UNC13B: variants seen among roughly 807,000 people sequenced by gnomAD.
UNC13B encodes unc-13 homolog B, also known as protein unc-13 homolog B.
In UNC13B, 144 loss-of-function variants were observed where a neutral mutation model predicts 211.0. The observed-to-expected ratio is 0.68, with a 90% confidence interval of 0.60 to 0.78. The LOEUF (loss-of-function observed/expected upper bound fraction) is 0.78, where lower values mean the gene tolerates loss of function less well. UNC13B is among the 30% of genes least tolerant of loss of function. UNC13B has a pLI of 0.00. For synonymous variants in UNC13B, 709 were observed against 725.8 expected, an observed-to-expected ratio of 0.98 and a Z score of 0.37; for missense variants, 1,777 against 2,002.0, an observed-to-expected ratio of 0.89 and a Z score of 2.14.
At position 35,385,706 on chromosome 9, in the gene UNC13B, T is replaced by C; in HGVS notation, c.10876-18T>C. On this transcript the variant is annotated intron_variant, in intron 22 of 39. Coordinates refer to ENST00000635942, the MANE Select transcript of UNC13B (RefSeq NM_001371189.2). ...ATAGTCCTCTGTTCCTTTCTTACAT[T>C]TGCTTGATTTGCAACAGAATAATTT... 6.3e-7 allele frequency: 1 copy of C among 1,588,958 alleles called. No individual in the cohort carries two copies. The highest frequency in any genetic ancestry group is 8.6e-7 in the Non-Finnish European group (1 of 1,161,448).
In UNC13B at chr9:35,301,811, A is replaced by G. The variant is rs1829700178; in HGVS notation, c.2407A>G (p.Asn803Asp). 5.0e-6 allele frequency: 2 copies of G among 398,764 alleles called. No homozygotes were observed. The highest frequency in any genetic ancestry group is 8.9e-6 in the Non-Finnish European group (2 of 225,908). The allele number at this position is 398,764 out of a possible 1,614,324, so 24.7% of individuals were successfully genotyped here. A position where few individuals can be genotyped will look rare whatever the true frequency, so the allele number is the denominator to read the frequency against. The stretch of plus-strand genomic sequence containing the variant: ...ATTAGAGGAGGACAAAGTTACAGGT[A>G]ATGATGATTTCCTTGAGCCACTCAG... ...KPLEEDKVTGNDDFLEPLRKS... is the reference protein window; with the variant it reads ...KPLEEDKVTGDDDFLEPLRKS... Residue 803 changes from asparagine (N) to aspartate (D), a missense_variant, in exon 9 of 40, where the codon AAT becomes GAT. Physicochemically the swap from Asn to Asp is conservative, Grantham distance 23. Transcript: ENST00000635942.
At chr9:35,353,981 G>A (rs942723924) in intron 11 of UNC13B, among the ~76,000 whole-genome samples, 21 of 152,120 alleles carry the variant, frequency 1.4e-4, no homozygotes, top group African/African-American at 5.1e-4. Context: ...TGTGGGAATT[G>A]GAGTGAAAGA....
intron 10 of UNC13B, among the ~76,000 whole-genome samples, chr9:35,313,673 TAAAA>T (rs1830305354): frequency 6.9e-6 from 1 of 144,822 alleles, no homozygotes; most frequent in Non-Finnish European, 1.5e-5. Flanking sequence ...AATAAATAAA[TAAAA>T]GAGGGAACAG....
Position 35,380,578 on chromosome 9 carries a change from T to G in UNC13B, c.10314T>G (p.Leu3438=), listed in dbSNP as rs1834757147. 1 of 1,614,092 alleles carries G rather than the reference T, an allele frequency of 6.2e-7. No individual in the cohort carries two copies. Among genetic ancestry groups the G allele is most frequent in the Non-Finnish European group, 8.5e-7 (1 of 1,180,032 alleles). The part of the protein sequence containing the change: ...QRLKRESDDF[L]GQTIIEVRTL... ...TAAAGCGAGAGTCTGATGATTTCCT[T>G]GGCCAAACCATCATTGAGGTTCGGA... The change falls in exon 18 of 40, where the codon CTT becomes CTG. Residue 3438 remains leucine, a synonymous_variant. Coordinates refer to ENST00000635942, the MANE Select transcript of UNC13B (RefSeq NM_001371189.2).
chr9:35,244,272 A>G (rs79540635), intron 6 of UNC13B, among the ~76,000 whole-genome samples: 1 of 152,180 alleles, frequency 6.6e-6, no homozygotes, highest in African/African-American at 2.4e-5. Context: ...TCTTGACAGT[A>G]TCACATGTTA....
At chr9:35,312,973 A>G (rs1284759071) in intron 10 of UNC13B, among the ~76,000 whole-genome samples, 1 of 152,208 alleles carries the variant, frequency 6.6e-6, no homozygotes, top group Admixed American at 6.5e-5. Context: ...TAAGCCTTCT[A>G]AAATACTTAG....
At chr9:35,372,014 G>A (rs1189547615) in intron 13 of UNC13B, 2 of 153,010 alleles carry the variant, frequency 1.3e-5, no homozygotes, top group Non-Finnish European at 2.9e-5. Context: ...GCTCATGCCT[G>A]TAATCCCAGC....
chr9:35,351,303 A>G, intron 11 of UNC13B: 1 of 1,208,170 alleles, frequency 8.3e-7, no homozygotes, highest in Non-Finnish European at 1.0e-6. Context: ...GCTACAGGAT[A>G]AATCAAGCCA....
chr9:35,202,793 CTTT>C (rs922684961), intron 1 of UNC13B, among the ~76,000 whole-genome samples: 1 of 131,530 alleles, frequency 7.6e-6, no homozygotes. Context: ...TGGGTCTTGA[CTTT>C]TTTTTTTTTT....
At chr9:35,325,021 C>T (rs1032366075) in intron 11 of UNC13B, among the ~76,000 whole-genome samples, 1 of 152,112 alleles carries the variant, frequency 6.6e-6, no homozygotes, top group Non-Finnish European at 1.5e-5. Flanking sequence ...CCAAATCAAC[C>T]CTGAACCCAC....
chr9:35,219,985 C>T (rs185219640), intron 1 of UNC13B, among the ~76,000 whole-genome samples: 88 of 151,972 alleles, frequency 5.8e-4, no homozygotes, highest in Admixed American at 1.0e-3. Flanking sequence ...ATGTTTAATC[C>T]ATTTATAATT....
intron 11 of UNC13B, among the ~76,000 whole-genome samples, chr9:35,358,946 C>T (rs1322134469): frequency 2.0e-5 from 3 of 151,948 alleles, no homozygotes; most frequent in Non-Finnish European, 4.4e-5. Flanking sequence ...GTGATCTTCC[C>T]ACCTTGGCTT....
At chr9:35,395,313 CT>C (rs1835801366) in intron 26 of UNC13B, among the ~76,000 whole-genome samples, 1 of 152,334 alleles carries the variant, frequency 6.6e-6, no homozygotes, top group East Asian at 1.9e-4. Context: ...ATAGAAGAGA[CT>C]GCAAATGCAA....
intron 6 of UNC13B, among the ~76,000 whole-genome samples, chr9:35,252,422 A>G (rs770700427): frequency 4.6e-5 from 7 of 151,948 alleles, no homozygotes; most frequent in South Asian, 2.1e-4. Flanking sequence ...TGAGTTCCTC[A>G]GCCTCCTGAG....
intron 22 of UNC13B, 63 bp from the exon 23 acceptor site, chr9:35,385,661 T>C: frequency 5.9e-6 from 9 of 1,521,926 alleles, no homozygotes; most frequent in South Asian, 5.2e-5. Context: ...ATATCATCAC[T>C]TTTGGCAGGG....
chr9:35,310,830 C>T (rs780165145), intron 10 of UNC13B, 49 bp downstream of exon 10: 53 of 1,535,956 alleles, frequency 3.5e-5, no homozygotes, highest in Non-Finnish European at 3.8e-5. Context: ...TCAGTACCTG[C>T]CCTGTGGTAT....
intron 11 of UNC13B, among the ~76,000 whole-genome samples, chr9:35,362,533 G>A (rs1321105655): frequency 6.6e-6 from 1 of 152,162 alleles, no homozygotes; most frequent in Admixed American, 6.5e-5. Context: ...TCTAGGGCGG[G>A]GCGTGGTGGC....
In UNC13B at chr9:35,304,460, A is replaced by G. The variant is rs1375736908; in HGVS notation, c.5056A>G (p.Ile1686Val). Residue 1686 changes from isoleucine (I) to valine (V), a missense_variant, in exon 9 of 40, where the codon ATT (isoleucine) becomes GTT (valine). Coordinates refer to ENST00000635942, the MANE Select transcript of UNC13B (RefSeq NM_001371189.2). ...AGATCTCAGAAATCAGCCCCAAACT[A>G]TTAGTAATCATGTCTCAAGCAGAGA... is the stretch of plus-strand genomic sequence containing the variant. ...TLDLRNQPQT[I>V]SNHVSSRDQI... is the part of the protein sequence containing the mutation. 2.5e-6 allele frequency: 1 copy of G among 398,532 alleles called. No individual in the cohort carries two copies. The highest frequency in any genetic ancestry group is 3.6e-5 in the East Asian group (1 of 28,078). The allele number at this position is 398,532 out of a possible 1,614,324, so 24.7% of individuals were successfully genotyped here. A position where few individuals can be genotyped will look rare whatever the true frequency, so the allele number is the denominator to read the frequency against.
At chr9:35,385,837 G>T (rs773060469) in intron 23 of UNC13B, 24 bp downstream of exon 23, 12 of 1,599,238 alleles carry the variant, frequency 7.5e-6, no homozygotes, top group African/African-American at 2.7e-5. Context: ...TGGGGCTTGG[G>T]TGGTGCTGGG....
Sources: gnomAD v4.1 joint callset for allele counts (sites outside exome capture counted in the v4.1 genomes callset) on GRCh38, gnomAD v4.1.1 for gene constraint, MANE v1.5 for transcripts, NCBI Gene and HGNC (gene_info 2026-07-23, HGNC 2026-07-21) for gene names.